NTRK1: variants seen among roughly 807,000 people sequenced by gnomAD.
NTRK1 encodes neurotrophic receptor tyrosine kinase 1.
Under a neutral mutation model 86.8 loss-of-function variants are expected in NTRK1, and 62 were observed. The observed-to-expected ratio is 0.71, with a 90% CI of 0.58 to 0.88. The LOEUF (loss-of-function observed/expected upper bound fraction) is 0.88, where lower values mean the gene tolerates loss of function less well. Ranked by LOEUF, NTRK1 falls within the 40% of genes least tolerant of loss-of-function variation. NTRK1 has a pLI of 0.00. For synonymous variants in NTRK1, 469 were observed against 456.6 expected (o/e 1.03, Z -0.35); for missense variants, 967 against 1,078.4 (o/e 0.90, Z 1.45).
At chr1:156,839,739 G>A (rs773314976) in intron 1 of NTRK1, among the ~76,000 whole-genome samples, 2 of 152,148 alleles carry the variant, frequency 1.3e-5, no homozygotes, top group South Asian at 2.1e-4. Context: ...CCAGTGGACC[G>A]ATATAACGAA....
At chr1:156,852,804 G>T (rs1490776608) in intron 2 of NTRK1, among the ~76,000 whole-genome samples, 1 of 152,204 alleles carries the variant, frequency 6.6e-6, no homozygotes, top group Non-Finnish European at 1.5e-5. Flanking sequence ...CACTGTACAT[G>T]AGAGGATGCG....
intron 1 of NTRK1, chr1:156,816,925 G>A: frequency 2.4e-6 from 1 of 420,108 alleles, no homozygotes; most frequent in Non-Finnish European, 4.2e-6. Context: ...GATAGCGGTG[G>A]TATAGCGGTG....
At position 156,875,490 on chromosome 1, in the gene NTRK1, C is replaced by T. The variant is rs1182992138; in HGVS notation, c.1355-30C>T. The T allele has an allele frequency of 4.3e-6, 7 of 1,613,336 alleles. 1 individual carries two copies. In the South Asian group the frequency reaches 6.6e-5, roughly 15 times the overall value. ...TGGGCAGGGCCAAGGTGTGGGCAAA[C>T]CCCTCCATGCGGCTGTGTCTCCTCT... is the stretch of plus-strand genomic sequence containing the variant. On this transcript the variant is annotated intron_variant, in intron 11 of 16. Transcript: ENST00000524377.
intron 1 of NTRK1, among the ~76,000 whole-genome samples, chr1:156,862,884 A>C (rs1655743397): frequency 6.6e-6 from 1 of 152,058 alleles, no homozygotes; most frequent in Admixed American, 6.5e-5. Context: ...GGCCTCTACT[A>C]AGTCCACAGG....
chr1:156,875,397 C>A (rs2102914473), intron 11 of NTRK1, 123 bp from the exon 12 acceptor site: 2 of 1,333,270 alleles, frequency 1.5e-6, no homozygotes, highest in South Asian at 1.2e-5. Context: ...CTGTCTCGCT[C>A]CCTAGCTTCT....
chr1:156,857,915 T>TC (rs998425373), upstream of NTRK1, among the ~76,000 whole-genome samples: 2 of 151,760 alleles, frequency 1.3e-5, no homozygotes, highest in Non-Finnish European at 1.5e-5. Context: ...GTCTATATAG[T>TC]CCCCCCACCC....
In NTRK1 at chr1:156,876,165, C is replaced by T. The variant is rs2102917631; in HGVS notation, c.1587C>T (p.Cys529=). The T allele has an allele frequency of 6.2e-7, 1 of 1,614,158 alleles. No homozygotes were observed. ...TTGGGAAGGTCTTCCTTGCTGAGTG[C>T]CACAACCTCCTGCCTGAGCAGGACA... ...GAFGKVFLAE[C]HNLLPEQDKM... The change falls in exon 13 of 17, where the codon TGC becomes TGT. Residue 529 remains cysteine (C), a synonymous_variant. Transcript: ENST00000524377.
chr1:156,842,561 GCC>G, intron 2 of NTRK1: 4 of 1,427,016 alleles, frequency 2.8e-6, no homozygotes, highest in Non-Finnish European at 4.0e-6. Context: ...GACCCATTTG[GCC>G]AAAATTCTGA....
At chr1:156,860,019 G>T (rs982060610), upstream of NTRK1, among the ~76,000 whole-genome samples, 30 of 152,234 alleles carry the variant, frequency 2.0e-4, no homozygotes, top group African/African-American at 7.2e-4. Context: ...CGGCTCCTGC[G>T]TCCGAGGAGC....
rs998140291 is a variant in NTRK1 at position 156,845,640 on chromosome 1, T to G, written c.50+3447T>G. 13 of 1,609,418 alleles carry G rather than the reference T, an allele frequency of 8.1e-6. No individual in the cohort carries two copies. The African/African-American group carries it at 1.6e-4, about 20-fold the overall frequency. On this transcript the variant is annotated intron_variant, in intron 2 of 16. Coordinates refer to the NTRK1 transcript ENST00000392302. ...GCACATGGGGATGGTGATCGCGTTG[T>G]GTAGAAAGTTTTCAAACTTCTTCTG...
At chr1:156,867,295 C>T (rs887834617) in intron 4 of NTRK1, among the ~76,000 whole-genome samples, 2 of 152,196 alleles carry the variant, frequency 1.3e-5, no homozygotes, top group African/African-American at 2.4e-5. Flanking sequence ...GTGAGTGGGG[C>T]AGCAGGGGTC....
intron 2 of NTRK1, 101 bp from the exon 3 acceptor site, chr1:156,864,627 G>C: frequency 7.6e-7 from 1 of 1,321,600 alleles, no homozygotes; most frequent in East Asian, 2.3e-5. Flanking sequence ...AGGAGGGGTA[G>C]GGGTTCAGCA....
chr1:156,833,847 G>A (rs191976286), intron 1 of NTRK1, among the ~76,000 whole-genome samples: 174 of 152,280 alleles, frequency 1.1e-3, no homozygotes, highest in African/African-American at 4.0e-3. Flanking sequence ...TGTTGCTGGG[G>A]TACCAGCTGG....
In NTRK1 at chr1:156,879,283, G is replaced by C. The variant is rs2102924880; in HGVS notation, c.1967G>C (p.Cys656Ser). The change falls in exon 15 of 17, where the codon TGT (cysteine) becomes TCT (serine). Residue 656 changes from cysteine (C) to serine (S), a missense_variant. Coordinates refer to ENST00000524377, the MANE Select transcript of NTRK1 (RefSeq NM_002529.4). ...CACCGGGACCTGGCCACACGCAACT[G>C]TCTAGTGGGCCAGGGACTGGTGGTC... ...FVHRDLATRN[C>S]LVGQGLVVKI... is the part of the protein sequence containing the mutation. The C allele has an allele frequency of 6.2e-7, 1 of 1,613,788 alleles. No individual in the cohort carries two copies. Among genetic ancestry groups the C allele is most frequent in the Non-Finnish European group, 8.5e-7 (1 of 1,180,026 alleles).
chr1:156,844,490 G>C lies in NTRK1; in HGVS notation c.50+2297G>C, dbSNP rs148981168. On this transcript the variant is annotated intron_variant, in intron 2 of 16. Transcript: ENST00000392302. The stretch of plus-strand genomic sequence containing the variant: ...GGCCAAGGATGTAGAAGGCAACACT[G>C]TCTGTCCAAGAGCCATTGCCAGCCA... The C allele has an allele frequency of 5.5e-5, 89 of 1,613,948 alleles. No homozygotes were observed. The highest frequency in any genetic ancestry group is 1.6e-4 in the Middle Eastern group (1 of 6,080).
chr1:156,842,126 G>A (rs2102853582), exon 2 of NTRK1: 2 of 1,613,974 alleles, frequency 1.2e-6, no homozygotes, highest in Non-Finnish European at 1.7e-6. Context: ...GATCTTGACG[G>A]TGAAGTCCTG....
At chr1:156,836,856 A>G (rs1010061441) in intron 1 of NTRK1, among the ~76,000 whole-genome samples, 4 of 151,970 alleles carry the variant, frequency 2.6e-5, no homozygotes, top group Non-Finnish European at 5.9e-5. Context: ...GAGCATATCT[A>G]AGCTGGAGCT....
At chr1:156,845,130 G>T in intron 2 of NTRK1, 1 of 1,611,698 alleles carries the variant, frequency 6.2e-7, no homozygotes, top group East Asian at 2.2e-5. Flanking sequence ...CCCACGGTGT[G>T]CGCCGCGTGG....
Position 156,854,299 on chromosome 1 carries a change from G to T in NTRK1, c.51-10055G>T. On this transcript the variant is annotated intron_variant, in intron 2 of 16. Coordinates refer to the NTRK1 transcript ENST00000392302. This position sits in a 1 kb window ranked among gnomAD's most constrained non-coding sequence, Gnocchi z 4.2. The stretch of plus-strand genomic sequence containing the variant: ...CCTCTGAGCGAATATCCAGGCTGGG[G>T]CACACTGTGGGCATACACGGCACGC... 1 of 1,608,530 alleles carries T rather than the reference G, an allele frequency of 6.2e-7. No homozygotes were observed. Among genetic ancestry groups the T allele is most frequent in the Non-Finnish European group, 8.5e-7 (1 of 1,177,724 alleles).
Sources: allele counts gnomAD v4.1 joint callset (sites outside exome capture counted in the v4.1 genomes callset), GRCh38; gene constraint gnomAD v4.1.1; non-coding constraint Gnocchi (gnomAD v3.1); transcripts MANE v1.5; gene names NCBI Gene and HGNC (gene_info 2026-07-23, HGNC 2026-07-21).